CKM: variants seen among roughly 807,000 people sequenced by gnomAD.
The protein encoded by CKM is creatine kinase, M-type, also known as creatine kinase M-type.
In CKM, 28 loss-of-function variants were observed where a neutral mutation model predicts 35.4. The observed-to-expected ratio is 0.79, with a 90% CI of 0.59 to 1.08. The LOEUF (loss-of-function observed/expected upper bound fraction) is 1.08. CKM is among the 50% of genes least tolerant of loss of function. The pLI is 0.00. For missense variants in CKM, 484 were observed against 509.8 expected, an observed-to-expected ratio of 0.95 and a Z score of 0.49; for synonymous variants, 215 against 204.4, an observed-to-expected ratio of 1.05 and a Z score of -0.44.
chr19:45,308,582 C>G, intron 5 of CKM, 50 bp from the exon 6 acceptor site: 1 of 1,612,756 alleles, frequency 6.2e-7, no homozygotes, highest in Non-Finnish European at 8.5e-7. Flanking sequence ...CCCGTGGGAA[C>G]CCCATTCCCA....
At chr19:45,308,248 T>TG (rs17875626) in intron 6 of CKM, among the ~76,000 whole-genome samples, 161 bp downstream of exon 6, 2 of 47,270 alleles carry the variant, frequency 4.2e-5, no homozygotes, top group South Asian at 1.5e-3. Context: ...GGGCTAGTTT[T>TG]GGGGGGCGGG....
At chr19:45,321,469 G>T (rs974047182) in intron 1 of CKM, among the ~76,000 whole-genome samples, 3 of 152,234 alleles carry the variant, frequency 2.0e-5, no homozygotes, top group African/African-American at 7.2e-5. Flanking sequence ...CCCCAGGCCA[G>T]TCACTAGGCC....
intron 3 of CKM, among the ~76,000 whole-genome samples, chr19:45,316,534 G>A (rs143032645): frequency 8.6e-5 from 13 of 150,846 alleles, no homozygotes; most frequent in African/African-American, 2.4e-4. Context: ...CAAGCTGGTC[G>A]TGAACTCTCC....
chr19:45,313,394 C>A (rs887407709), intron 4 of CKM, among the ~76,000 whole-genome samples: 4 of 152,130 alleles, frequency 2.6e-5, no homozygotes, highest in Non-Finnish European at 5.9e-5. Flanking sequence ...GCTCGGACTG[C>A]CCCACTGACC....
chr19:45,318,253 C>T (rs1225365581), intron 2 of CKM, among the ~76,000 whole-genome samples: 1 of 151,894 alleles, frequency 6.6e-6, no homozygotes, highest in Non-Finnish European at 1.5e-5. Flanking sequence ...GCTAAAAATA[C>T]AAAAATTAGC....
At position 45,307,670 on chromosome 19, in the gene CKM, C is replaced by T. The variant is rs763366065; in HGVS notation, c.778-20G>A. 3.1e-6 allele frequency: 5 copies of T among 1,610,298 alleles called. No individual in the cohort carries two copies. The highest frequency in any genetic ancestry group is 1.1e-5 in the South Asian group (1 of 90,890). On this transcript the variant is annotated intron_variant, in intron 6 of 7. Coordinates refer to ENST00000221476, the MANE Select transcript of CKM (RefSeq NM_001824.5). ...CTCAATCTGAGGTTCAGAGAGAGGA[C>T]CAGGGGTCAGCGCCGGCAGGCACCC...
rs1431630218 is a variant in CKM at position 45,311,900 on chromosome 19, C to T, written c.502G>A (p.Glu168Lys). Residue 168 changes from glutamate to lysine, a missense_variant, in exon 5 of 8, where the codon GAG (glutamate) becomes AAG (lysine). By Grantham distance (56) the Glu-to-Lys change is moderately conservative. Coordinates refer to ENST00000221476, the MANE Select transcript of CKM (RefSeq NM_001824.5). Reference sequence around the variant, plus strand: ...AGAGGGTAGTACTTCCCTTTGAACTCGCCCGTCAGGCTGTTGAGAGCTATG... The same window carrying T: ...AGAGGGTAGTACTTCCCTTTGAACTTGCCCGTCAGGCTGTTGAGAGCTATG... ...SVEALNSLTG[E>K]FKGKYYPLKS... 4.3e-6 allele frequency: 7 copies of T among 1,613,898 alleles called. No homozygotes were observed. In the Admixed American group the frequency reaches 5.0e-5, roughly 12 times the overall value.
At chr19:45,309,546 A>AGTCCAT (rs1198660526) in intron 5 of CKM, among the ~76,000 whole-genome samples, 1 of 126,556 alleles carries the variant, frequency 7.9e-6, no homozygotes, top group African/African-American at 3.1e-5. Flanking sequence ...ACAGAGCAAG[A>AGTCCAT]CCCTGTCTCA....
chr19:45,308,507 C>G lies in CKM; in HGVS notation c.679G>C (p.Val227Leu). The change falls in exon 6 of 8, where the codon GTG becomes CTG. Residue 227 changes from valine (V) to leucine (L), a missense_variant. Coordinates refer to ENST00000221476, the MANE Select transcript of CKM (RefSeq NM_001824.5). ...IWHNDNKSFLVWVNEEDHLRV... is the reference protein window; with the variant it reads ...IWHNDNKSFLLWVNEEDHLRV... ...AGGTGATCCTCCTCGTTCACCCACA[C>G]CAGGAAGCTCTTGTTGTCATTGTGC... is the stretch of plus-strand genomic sequence containing the variant. The G allele has an allele frequency of 6.2e-7, 1 of 1,614,140 alleles. No individual in the cohort carries two copies. The highest frequency in any genetic ancestry group is 8.5e-7 in the Non-Finnish European group (1 of 1,180,018).
Position 45,306,928 on chromosome 19 carries a change from C to G in CKM, c.968G>C (p.Gly323Ala). ...GCCCACGGCAGCTGTGTCCACGCCA[C>G]CTGTGGGAGCAAGGGACAGGGGCGT... ...TRLRLQKRGT[G>A]GVDTAAVGSV... Residue 323 changes from glycine to alanine, a missense_variant and splice_region_variant, in exon 8 of 8, where the codon GGT (glycine) becomes GCT (alanine). By Grantham distance (60) the Gly-to-Ala change is moderately conservative. Coordinates refer to ENST00000221476, the MANE Select transcript of CKM (RefSeq NM_001824.5). This position sits in a 1 kb window ranked among gnomAD's most constrained non-coding sequence, Gnocchi z 4.5. 1 of 1,613,646 alleles carries G rather than the reference C, an allele frequency of 6.2e-7. No homozygotes were observed.
rs947995711 is a variant in CKM at position 45,311,882 on chromosome 19, A to G, written c.520T>C (p.Tyr174His). 2 of 1,613,936 alleles carry G rather than the reference A, an allele frequency of 1.2e-6. No homozygotes were observed. Among genetic ancestry groups the G allele is most frequent in the African/African-American group, 1.3e-5 (1 of 74,920 alleles). Residue 174 changes from tyrosine to histidine, a missense_variant, in exon 5 of 8, where the codon TAC becomes CAC. Physicochemically the swap from Tyr to His is moderately conservative, Grantham distance 83. Transcript: ENST00000221476. ...TTCTCCGTCATGCTCTTCAGAGGGT[A>G]GTACTTCCCTTTGAACTCGCCCGTC... ...SLTGEFKGKY[Y>H]PLKSMTEKEQ... is the part of the protein sequence containing the mutation.
chr19:45,318,054 CTGTGTGGACA>C, intron 2 of CKM, 75 bp from the exon 3 acceptor site: 1 of 1,345,698 alleles, frequency 7.4e-7, no homozygotes, highest in South Asian at 1.2e-5. Context: ...TCAGTGGAGC[CTGTGTGGACA>C]TGTGTGTCGG....
intron 7 of CKM, among the ~76,000 whole-genome samples, chr19:45,307,180 C>T (rs924026687): frequency 3.3e-5 from 5 of 152,114 alleles, no homozygotes; most frequent in African/African-American, 1.2e-4. Context: ...GGCCTAGGGT[C>T]GAATCCTGAC....
chr19:45,317,321 C>T (rs1193305568), intron 3 of CKM, among the ~76,000 whole-genome samples: 4 of 151,312 alleles, frequency 2.6e-5, no homozygotes, highest in Admixed American at 1.3e-4. Flanking sequence ...GAGTTTCGCC[C>T]TTGTTGCCCA....
In CKM at chr19:45,315,637, C is replaced by T. The variant is rs574543456; in HGVS notation, c.349-40G>A. 3.3e-5 allele frequency: 52 copies of T among 1,598,360 alleles called. No homozygotes were observed. In the Admixed American group the frequency reaches 4.2e-4, roughly 13 times the overall value. On this transcript the variant is annotated intron_variant, in intron 3 of 7. Coordinates refer to ENST00000221476, the MANE Select transcript of CKM (RefSeq NM_001824.5). ...GGAGATCAGGACCAGGCAGATCCTCCGCCCTCTCCAGCAAGCCCAGGTCTC... is the reference window on the plus strand; with the variant it reads ...GGAGATCAGGACCAGGCAGATCCTCTGCCCTCTCCAGCAAGCCCAGGTCTC...
chr19:45,317,952 C>T lies in CKM; in HGVS notation c.221G>A (p.Cys74Tyr), dbSNP rs746241019. Residue 74 changes from cysteine (C) to tyrosine (Y), a missense_variant, in exon 3 of 8, where the codon TGC (cysteine) becomes TAC (tyrosine). Physicochemically the swap from Cys to Tyr is radical, Grantham distance 194. Coordinates refer to ENST00000221476, the MANE Select transcript of CKM (RefSeq NM_001824.5). ...GTAGGACTCCTCATCACCAGCCACG[C>T]AGCCCACGGTCATGATGAAGGGGTG... Reference protein sequence around the residue: ...PGHPFIMTVGCVAGDEESYEV... With the variant: ...PGHPFIMTVGYVAGDEESYEV... 1.9e-6 allele frequency: 3 copies of T among 1,613,950 alleles called. No homozygotes were observed. The highest frequency in any genetic ancestry group is 4.5e-5 in the East Asian group (2 of 44,876).
rs938044665 is a variant in CKM at position 45,306,418 on chromosome 19, C to G, written c.*332G>C. 2.0e-5 allele frequency: 8 copies of G among 396,312 alleles called. No homozygotes were observed. The highest frequency in any genetic ancestry group is 1.6e-4 in the African/African-American group (8 of 49,068). 24.5% of individuals were successfully genotyped at this position (396,312 alleles called of 1,614,324 possible). A position where few individuals can be genotyped will look rare whatever the true frequency, so the allele number is the denominator to read the frequency against. ...CAATAACTATCGCACAAAGCTAAGG[C>G]CACCAATGCTTTTATTTATCGCTTT... On this transcript the variant is annotated 3_prime_UTR_variant, in exon 8 of 8. Transcript: ENST00000221476. The surrounding 1 kb of genome is among the most constrained non-coding windows in gnomAD (Gnocchi z 4.5).
At chr19:45,314,754 C>G (rs1011380485) in intron 4 of CKM, among the ~76,000 whole-genome samples, 2 of 152,176 alleles carry the variant, frequency 1.3e-5, no homozygotes, top group East Asian at 1.9e-4. Context: ...CTCTGTCACC[C>G]TGGCTGGAGT....
intron 3 of CKM, among the ~76,000 whole-genome samples, chr19:45,315,849 C>CTTTT (rs376961493): frequency 7.4e-5 from 10 of 135,664 alleles, no homozygotes; most frequent in East Asian, 4.0e-4. Context: ...ATTTCTTTTC[C>CTTTT]TTTTTTTTCT....
Sources: gnomAD v4.1 joint callset for allele counts (sites outside exome capture counted in the v4.1 genomes callset) on GRCh38, gnomAD v4.1.1 for gene constraint, Gnocchi (gnomAD v3.1) non-coding constraint, MANE v1.5 for transcripts, NCBI Gene and HGNC (gene_info 2026-07-23, HGNC 2026-07-21) for gene names.